The following PTPN2 variants were observed in gnomAD, a reference collection of about 807,000 sequenced individuals.
PTPN2 encodes the protein protein tyrosine phosphatase non-receptor type 2.
PTPN2 carries 19 observed loss-of-function variants against 57.3 expected under a neutral mutation model. The ratio of observed to expected loss-of-function variants is 0.33; its 90% CI spans 0.23 to 0.49. The LOEUF (loss-of-function observed/expected upper bound fraction) is 0.49. Among genes scored for constraint, PTPN2 ranks in the 20% least tolerant of loss-of-function variants. PTPN2 has a pLI of 0.99. For synonymous variants in PTPN2, 153 were observed against 164.9 expected (o/e 0.93, Z 0.55); for missense variants, 358 against 501.1 (o/e 0.71, Z 2.73).
chr18:12,863,456 TA>T (rs569266426), intron 1 of PTPN2: 205 of 138,214 alleles, frequency 1.5e-3, no homozygotes, highest in Admixed American at 3.1e-3. Context: ...AAGGCCCTGT[TA>T]AAAAAAAAAA....
intron 1 of PTPN2, among the ~76,000 whole-genome samples, chr18:12,874,505 C>T (rs1384537239): frequency 1.6e-5 from 2 of 124,546 alleles, no homozygotes; most frequent in African/African-American, 6.2e-5. Flanking sequence ...CCCCTCTGCC[C>T]GGCCAGCCGC....
chr18:12,884,226 T>G lies in PTPN2; in HGVS notation c.-85A>C, dbSNP rs901705466. ...CACGATCCGGGGAGAGCGCTGGCGC[T>G]GCGGCGCATGCGCGCTGCGCGCCGC... is the stretch of plus-strand genomic sequence containing the variant. On this transcript the variant is annotated 5_prime_UTR_variant, in exon 1 of 9. Transcript: ENST00000309660. 35 of 998,338 alleles carry G rather than the reference T, an allele frequency of 3.5e-5. No homozygotes were observed. Among genetic ancestry groups the G allele is most frequent in the Non-Finnish European group, 4.7e-5 (35 of 737,344 alleles). The allele number at this position is 998,338 out of a possible 1,614,324, so 61.8% of individuals were successfully genotyped here.
intron 6 of PTPN2, among the ~76,000 whole-genome samples, chr18:12,816,932 C>G (rs1254871162): frequency 2.0e-5 from 3 of 151,998 alleles, no homozygotes; most frequent in African/African-American, 7.2e-5. Context: ...AAGAAAAACA[C>G]CTTCTTAGGG....
chr18:12,854,129 C>T (rs1369369826), intron 2 of PTPN2, among the ~76,000 whole-genome samples: 1 of 151,942 alleles, frequency 6.6e-6, no homozygotes, highest in Admixed American at 6.6e-5. Context: ...GAGGTCGAGG[C>T]AGGTGGACTA....
intron 2 of PTPN2, among the ~76,000 whole-genome samples, chr18:12,850,184 T>C (rs1179052653): frequency 3.9e-5 from 6 of 152,156 alleles, no homozygotes; most frequent in African/African-American, 1.2e-4. Flanking sequence ...AGCACATTAA[T>C]TTTAACTTTC....
chr18:12,810,528 C>T (rs1433450373), intron 7 of PTPN2, among the ~76,000 whole-genome samples: 2 of 152,152 alleles, frequency 1.3e-5, no homozygotes, highest in African/African-American at 4.8e-5. Context: ...TCACTGTAGC[C>T]TCAAACTCCT....
At chr18:12,794,584 G>A in intron 8 of PTPN2, 99 bp from the exon 9 acceptor site, 2 of 1,388,544 alleles carry the variant, frequency 1.4e-6, no homozygotes, top group Non-Finnish European at 1.9e-6. Context: ...CATCCACATA[G>A]TTTTCACCCT....
chr18:12,859,402 T>C (rs2043709825), intron 1 of PTPN2, 148 bp from the exon 2 acceptor site: 1 of 559,656 alleles, frequency 1.8e-6, no homozygotes, highest in Non-Finnish European at 3.1e-6. Context: ...AATCATTTAA[T>C]CCTCACAATA....
chr18:12,789,653 C>T (rs1200177690), downstream of PTPN2, among the ~76,000 whole-genome samples: 1 of 152,172 alleles, frequency 6.6e-6, no homozygotes, highest in Non-Finnish European at 1.5e-5. Flanking sequence ...CCCGGCTACA[C>T]ATCACTGAGA....
At position 12,831,046 on chromosome 18, in the gene PTPN2, G is replaced by A. The variant is rs766002019; in HGVS notation, c.262-5C>T. On this transcript the variant is annotated splice_polypyrimidine_tract_variant and splice_region_variant and intron_variant, in intron 3 of 8. Transcript: ENST00000309660. ...GCATGTGTTAGGAAGTGGACCCTGT[G>A]AAGAGAGAGGAGAGAGAGCAGATGA... 57 of 1,583,530 alleles carry A rather than the reference G, an allele frequency of 3.6e-5. No homozygotes were observed. The South Asian group carries it at 5.9e-4, about 16-fold the overall frequency.
At chr18:12,860,037 C>T (rs1485803180) in intron 1 of PTPN2, among the ~76,000 whole-genome samples, 14 of 152,106 alleles carry the variant, frequency 9.2e-5, no homozygotes, top group Non-Finnish European at 1.9e-4. Context: ...ACCTGTAATA[C>T]CAGCGCTTTG....
intron 2 of PTPN2, among the ~76,000 whole-genome samples, chr18:12,858,414 C>T (rs754320324): frequency 3.3e-5 from 5 of 152,180 alleles, no homozygotes; most frequent in African/African-American, 4.8e-5. Flanking sequence ...GATGAATACA[C>T]CAAAGAACTC....
At chr18:12,865,174 CTG>C (rs900171986) in intron 1 of PTPN2, among the ~76,000 whole-genome samples, 3 of 152,166 alleles carry the variant, frequency 2.0e-5, no homozygotes, top group Non-Finnish European at 2.9e-5. Context: ...AGGCCAGGCG[CTG>C]TGAGTCATGC....
intron 7 of PTPN2, among the ~76,000 whole-genome samples, chr18:12,808,407 A>C (rs915739492): frequency 6.6e-6 from 1 of 152,198 alleles, no homozygotes; most frequent in Non-Finnish European, 1.5e-5. Context: ...TAGACGTGCT[A>C]GTCTAATTTG....
In PTPN2 at chr18:12,835,395, T is replaced by TTTTTTTTTC. The variant is rs2042825072; in HGVS notation, c.261+1395_261+1396insGAAAAAAAA. Among the ~76,000 whole-genome samples the TTTTTTTTTC allele has an allele frequency of 1.3e-5, 2 of 148,296 alleles. 1 individual carries two copies. Among genetic ancestry groups the TTTTTTTTTC allele is most frequent in the Non-Finnish European group, 3.0e-5 (2 of 67,298 alleles). ...GATCACATATGTCTTTTTTTTTTTT[T>TTTTTTTTTC]TGGACAGTTTTGCTCTTTCGCTCAG... On this transcript the variant is annotated intron_variant, in intron 3 of 8. Transcript: ENST00000309660.
intron 7 of PTPN2, 92 bp downstream of exon 7, chr18:12,814,111 G>T: frequency 9.3e-7 from 1 of 1,074,406 alleles, no homozygotes; most frequent in Non-Finnish European, 1.3e-6. Context: ...TACACTCTTT[G>T]AAACAAAGAC....
chr18:12,825,682 G>T, intron 5 of PTPN2, 128 bp downstream of exon 5: 2 of 786,894 alleles, frequency 2.5e-6, no homozygotes, highest in Non-Finnish European at 3.7e-6. Flanking sequence ...CTAAAAACAC[G>T]TGATTATGGC....
intron 1 of PTPN2, among the ~76,000 whole-genome samples, chr18:12,882,605 G>A (rs1375762692): frequency 6.6e-6 from 1 of 152,200 alleles, no homozygotes; most frequent in African/African-American, 2.4e-5. Context: ...GCAGCTGGCA[G>A]GCTCTCTCAC....
At chr18:12,822,872 C>T (rs1240133358) in intron 5 of PTPN2, among the ~76,000 whole-genome samples, 5 of 152,130 alleles carry the variant, frequency 3.3e-5, no homozygotes, top group Non-Finnish European at 7.4e-5. Context: ...TTGTGGCTCC[C>T]GCACCATCAT....
Sources: gnomAD v4.1 joint callset for allele counts (sites outside exome capture counted in the v4.1 genomes callset) on GRCh38, gnomAD v4.1.1 for gene constraint, MANE v1.5 for transcripts, NCBI Gene and HGNC (gene_info 2026-07-23, HGNC 2026-07-21) for gene names.